Variants in MICU1 observed in about 807,000 individuals in gnomAD.
The protein encoded by MICU1 is calcium uptake protein 1, mitochondrial.
MICU1 carries 45 observed loss-of-function variants against 56.8 expected under a neutral mutation model. That is an observed-to-expected ratio of 0.79 (90% CI 0.62 to 1.02). MICU1 has a LOEUF of 1.02. MICU1 is among the 50% of genes least tolerant of loss of function. The pLI is 0.00. For missense variants in MICU1, 504 were observed against 587.1 expected, an observed-to-expected ratio of 0.86 and a Z score of 1.46; for synonymous variants, 186 against 195.1, an observed-to-expected ratio of 0.95 and a Z score of 0.39.
chr10:72,454,438 G>C (rs1865392954), intron 8 of MICU1, among the ~76,000 whole-genome samples: 1 of 147,118 alleles, frequency 6.8e-6, no homozygotes, highest in Admixed American at 6.8e-5. Flanking sequence ...TGGGCAACAA[G>C]AGTGAAACTC....
intron 6 of MICU1, among the ~76,000 whole-genome samples, chr10:72,495,628 C>T (rs1161191473): frequency 7.2e-6 from 1 of 139,774 alleles, no homozygotes; most frequent in East Asian, 2.1e-4. Context: ...GTACTCCAGC[C>T]TGGGCAACAA....
intron 6 of MICU1, among the ~76,000 whole-genome samples, chr10:72,486,061 G>A (rs999339894): frequency 6.6e-6 from 1 of 151,694 alleles, no homozygotes; most frequent in African/African-American, 2.4e-5. Context: ...GGTAAAAGAA[G>A]ACCAAATACA....
chr10:72,448,013 C>T (rs1239626059), intron 8 of MICU1, among the ~76,000 whole-genome samples: 1 of 151,476 alleles, frequency 6.6e-6, no homozygotes, highest in Non-Finnish European at 1.5e-5. Context: ...CCCACCCCTT[C>T]TTTGATTGGC....
intron 1 of MICU1, among the ~76,000 whole-genome samples, chr10:72,607,859 G>A (rs1049936809): frequency 2.6e-5 from 4 of 151,838 alleles, no homozygotes; most frequent in Non-Finnish European, 5.9e-5. Flanking sequence ...CTGTGGGGGG[G>A]GTCTACACTA....
chr10:72,386,461 C>T (rs1243955273), intron 10 of MICU1, among the ~76,000 whole-genome samples: 2 of 151,778 alleles, frequency 1.3e-5, no homozygotes, highest in African/African-American at 4.8e-5. Context: ...GGATTACAGG[C>T]GTGAGCCACT....
intron 5 of MICU1, among the ~76,000 whole-genome samples, chr10:72,510,602 G>A (rs1266725524): frequency 6.6e-6 from 1 of 151,828 alleles, no homozygotes; most frequent in Non-Finnish European, 1.5e-5. Flanking sequence ...AATAAAACCA[G>A]GAAATTTAGT....
intron 1 of MICU1, among the ~76,000 whole-genome samples, chr10:72,608,232 C>T (rs935733126): frequency 6.6e-6 from 1 of 152,100 alleles, no homozygotes; most frequent in African/African-American, 2.4e-5. Flanking sequence ...CCAAGCCCCG[C>T]TAATTTTTGT....
rs545062556 is a variant in MICU1, at chr10:72,533,856, G to A, written c.494-67C>T. 1.3e-4 allele frequency: 149 copies of A among 1,120,240 alleles called. 3 individuals are homozygous for A. The South Asian group carries it at 1.9e-3, about 14-fold the overall frequency. The allele number at this position is 1,120,240 out of a possible 1,614,324, so 69.4% of individuals were successfully genotyped here. Reference sequence around the variant, plus strand: ...CTCAAGTGAAATTTATAAAATGACAGCTCTTGGTTTTGTTTCCAGTCATTC... The same window carrying A: ...CTCAAGTGAAATTTATAAAATGACAACTCTTGGTTTTGTTTCCAGTCATTC... On this transcript the variant is annotated intron_variant, in intron 4 of 11. Transcript: ENST00000361114.
At chr10:72,443,936 A>G (rs1348531759) in intron 8 of MICU1, among the ~76,000 whole-genome samples, 12 of 151,316 alleles carry the variant, frequency 7.9e-5, no homozygotes, top group South Asian at 2.1e-4. Context: ...TGTTTATTGC[A>G]GCACTATTCA....
At chr10:72,551,688 A>G (rs1840039318) in intron 3 of MICU1, among the ~76,000 whole-genome samples, 2 of 152,222 alleles carry the variant, frequency 1.3e-5, no homozygotes, top group South Asian at 4.1e-4. Flanking sequence ...GATTTCAGTA[A>G]TAGGGTACAA....
intron 1 of MICU1, among the ~76,000 whole-genome samples, chr10:72,581,892 A>C (rs895427531): frequency 2.0e-5 from 3 of 152,142 alleles, no homozygotes; most frequent in African/African-American, 7.2e-5. Context: ...TACTTTGTAC[A>C]TTTTGGAGAA....
chr10:72,536,290 C>T (rs1434899365), intron 4 of MICU1, among the ~76,000 whole-genome samples: 1 of 151,736 alleles, frequency 6.6e-6, no homozygotes, highest in Non-Finnish European at 1.5e-5. Context: ...CAAAACAGCA[C>T]TATGTACCCC....
chr10:72,590,688 C>A (rs551932054), intron 1 of MICU1, among the ~76,000 whole-genome samples: 1 of 152,178 alleles, frequency 6.6e-6, no homozygotes, highest in East Asian at 1.9e-4. Context: ...TGGGGTGTGC[C>A]TGTAATCCCA....
chr10:72,602,233 T>C (rs1841557664), intron 1 of MICU1, among the ~76,000 whole-genome samples: 1 of 150,614 alleles, frequency 6.6e-6, no homozygotes, highest in Non-Finnish European at 1.5e-5. Flanking sequence ...GGTGGATCAC[T>C]TCAGGTCAGG....
intron 1 of MICU1, among the ~76,000 whole-genome samples, chr10:72,590,432 A>G (rs1212078073): frequency 6.6e-6 from 1 of 152,244 alleles, no homozygotes; most frequent in Non-Finnish European, 1.5e-5. Flanking sequence ...TGAAGGTAGA[A>G]ATAGACAGTT....
intron 9 of MICU1, among the ~76,000 whole-genome samples, chr10:72,420,474 G>A (rs943072733): frequency 2.0e-5 from 3 of 152,154 alleles, no homozygotes; most frequent in African/African-American, 7.2e-5. Flanking sequence ...GTCTCGGTAT[G>A]TCTTTATTAG....
At chr10:72,442,550 C>T (rs1353567707) in intron 8 of MICU1, among the ~76,000 whole-genome samples, 2 of 152,180 alleles carry the variant, frequency 1.3e-5, no homozygotes, top group East Asian at 1.9e-4. Flanking sequence ...TTGGACAAGA[C>T]TTGGCTCTAA....
chr10:72,615,418 AC>A (rs1841952341), intron 1 of MICU1, among the ~76,000 whole-genome samples: 1 of 152,106 alleles, frequency 6.6e-6, no homozygotes, highest in Admixed American at 6.6e-5. Flanking sequence ...GCACCACAGC[AC>A]ACTGTGCTGT....
intron 5 of MICU1, chr10:72,524,110 T>C (rs1867900659): frequency 1.7e-6 from 1 of 592,138 alleles, no homozygotes; most frequent in Non-Finnish European, 2.3e-6. Flanking sequence ...GAACATAATA[T>C]CCCAAATAAG....
Sources: gnomAD v4.1 joint callset for allele counts (sites outside exome capture counted in the v4.1 genomes callset) on GRCh38, gnomAD v4.1.1 for gene constraint, MANE v1.5 for transcripts, NCBI Gene and HGNC (gene_info 2026-07-23, HGNC 2026-07-21) for gene names.